RELT: variants seen among roughly 807,000 people sequenced by gnomAD.
RELT encodes the protein tumor necrosis factor receptor superfamily member 19L.
A neutral mutation model predicts 51.1 loss-of-function variants in RELT; 37 were observed. The ratio of observed to expected loss-of-function variants is 0.72; its 90% CI spans 0.56 to 0.95. The LOEUF is 0.95. RELT is among the 40% of genes least tolerant of loss of function. The pLI is 0.00. For missense variants in RELT, 535 were observed against 572.6 expected (o/e 0.93, Z 0.67); for synonymous variants, 241 against 235.7 (o/e 1.02, Z -0.21).
chr11:73,389,328 CCTA>C (rs753060193), intron 2 of RELT, 147 bp downstream of exon 2: 57 of 576,340 alleles, frequency 9.9e-5, no homozygotes, highest in Non-Finnish European at 1.5e-4. Flanking sequence ...GCAGCTGGAC[CCTA>C]GGAAGCACCT....
chr11:73,395,612 C>T lies in RELT; in HGVS notation c.*121C>T, dbSNP rs1221042633. 3 of 741,338 alleles carry T rather than the reference C, an allele frequency of 4.0e-6. No homozygotes were observed. The highest frequency in any genetic ancestry group is 2.5e-5 in the East Asian group (1 of 40,708). 45.9% of individuals were successfully genotyped at this position (741,338 alleles called of 1,614,324 possible). A position where few individuals can be genotyped will look rare whatever the true frequency, so the allele number is the denominator to read the frequency against. ...AGAAGCAATGGCCCAGCAGACGAGA[C>T]AGCAAAGACCAAGGCCTGGAGGTGG... On this transcript the variant is annotated 3_prime_UTR_variant, in exon 11 of 11. Coordinates refer to ENST00000064780, the MANE Select transcript of RELT (RefSeq NM_152222.2).
rs1485961852 is a variant in RELT, at chr11:73,391,130, T to G, written c.288-14T>G. 1 of 1,612,006 alleles carries G rather than the reference T, an allele frequency of 6.2e-7. No homozygotes were observed. Among genetic ancestry groups the G allele is most frequent in the African/African-American group, 1.3e-5 (1 of 74,896 alleles). ...GAAACTTCTGGGCCTCAGTGGTATC[T>G]TCCCTCCTCGCAGGTGGTTTGGGCC... On this transcript the variant is annotated splice_polypyrimidine_tract_variant and intron_variant, in intron 4 of 10. Coordinates refer to ENST00000064780, the MANE Select transcript of RELT (RefSeq NM_152222.2).
intron 6 of RELT, chr11:73,392,783 G>A: frequency 7.7e-7 from 1 of 1,294,154 alleles, no homozygotes; most frequent in East Asian, 3.4e-5. Flanking sequence ...GTCGGATGGT[G>A]GCCTTGGAGT....
At chr11:73,386,817 G>A (rs1276838742) in intron 1 of RELT, among the ~76,000 whole-genome samples, 1 of 152,218 alleles carries the variant, frequency 6.6e-6, no homozygotes, top group Admixed American at 6.5e-5. Flanking sequence ...TGGTTCTAGG[G>A]CTCTCTGCTG....
chr11:73,392,859 AG>A, intron 6 of RELT: 1 of 1,126,920 alleles, frequency 8.9e-7, no homozygotes, highest in Non-Finnish European at 1.1e-6. Flanking sequence ...GAGGGCTGGC[AG>A]GGCAGCTGTC....
At chr11:73,385,317 C>T (rs1425696874) in intron 1 of RELT, among the ~76,000 whole-genome samples, 2 of 152,156 alleles carry the variant, frequency 1.3e-5, no homozygotes, top group South Asian at 4.1e-4. Flanking sequence ...GGCACAGCTT[C>T]CTCTTTCTCT....
At position 73,390,961 on chromosome 11, in the gene RELT, G is replaced by T; in HGVS notation, c.287+40G>T. ...GTGCGGGGAGGGCTCCTGGCTGGGT[G>T]ACCAGGACTCTGGATCCTGGGGCCC... On this transcript the variant is annotated intron_variant, in intron 4 of 10. Coordinates refer to ENST00000064780, the MANE Select transcript of RELT (RefSeq NM_152222.2). 4 of 1,597,488 alleles carry T rather than the reference G, an allele frequency of 2.5e-6. No individual in the cohort carries two copies. The South Asian group carries it at 3.4e-5, about 13-fold the overall frequency.
In RELT at chr11:73,390,807, C is replaced by G; in HGVS notation, c.173C>G (p.Ala58Gly). 1 of 1,612,068 alleles carries G rather than the reference C, an allele frequency of 6.2e-7. No homozygotes were observed. Among genetic ancestry groups the G allele is most frequent in the Non-Finnish European group, 8.5e-7 (1 of 1,179,478 alleles). ...CRPCPPGTFS[A>G]AWGSSPCQPH... is the part of the protein sequence containing the mutation. ...CCCTGCCCCCCAGGCACCTTCTCAG[C>G]TGCATGGGGCTCCAGCCCATGCCAG... Residue 58 changes from alanine (A) to glycine (G), a missense_variant, in exon 4 of 11, where the codon GCT becomes GGT. Transcript: ENST00000064780.
chr11:73,394,362 C>T lies in RELT; in HGVS notation c.788+45C>T, dbSNP rs1866271273. ...ATAACGGGGCCAAAACCTACATTAA[C>T]CAGCCTGCCTCCTGGGGATCTCCCA... On this transcript the variant is annotated intron_variant, in intron 8 of 10. Transcript: ENST00000064780. The surrounding 1 kb of genome is among the most constrained non-coding windows in gnomAD (Gnocchi z 4.9). 3 of 1,610,452 alleles carry T rather than the reference C, an allele frequency of 1.9e-6. No homozygotes were observed. The highest frequency in any genetic ancestry group is 1.7e-5 in the Admixed American group (1 of 60,002).
At chr11:73,382,374 G>A (rs1866063403) in intron 1 of RELT, among the ~76,000 whole-genome samples, 1 of 152,242 alleles carries the variant, frequency 6.6e-6, no homozygotes, top group Non-Finnish European at 1.5e-5. Flanking sequence ...GAGCACATTA[G>A]GGACTTGGGA....
chr11:73,392,932 A>G (rs919299108), intron 6 of RELT: 21 of 1,015,440 alleles, frequency 2.1e-5, no homozygotes, highest in Non-Finnish European at 2.4e-5. Context: ...TTTGAGTTAC[A>G]AGGCCTGGAA....
intron 6 of RELT, chr11:73,393,099 C>T: frequency 1.0e-6 from 1 of 996,530 alleles, no homozygotes; most frequent in Non-Finnish European, 1.2e-6. Flanking sequence ...AGTGAAATGG[C>T]ATCTCCCATG....
rs1051776123 is a variant in RELT at position 73,391,157 on chromosome 11, T to TG, written c.307dup (p.Val103GlyfsTer20). 1.2e-6 allele frequency: 2 copies of TG among 1,613,672 alleles called. No individual in the cohort carries two copies. Among genetic ancestry groups the TG allele is most frequent in the African/African-American group, 2.7e-5 (2 of 74,922 alleles). ...CCCTCCTCGCAGGTGGTTTGGGCCT[T>TG]GGGGGGTTCCCCGCGTTCCATGTCA... On this transcript the variant is annotated frameshift_variant, in exon 5 of 11. Transcript: ENST00000064780. LOFTEE classifies it high-confidence loss of function.
rs1318263676 is a variant in RELT at position 73,394,671 on chromosome 11, GGGTTCCCAA to G, written c.986_994del (p.Val329_Lys331del). On this transcript the variant is annotated inframe_deletion, in exon 9 of 11. Transcript: ENST00000064780. The surrounding 1 kb of genome is among the most constrained non-coding windows in gnomAD (Gnocchi z 4.9). ...CCCAGCCTTCTGCCTAACCCGACCA[GGGTTCCCAA>G]GGCCGGGGCCAAGGCAGGGCGTCAG... 1.2e-6 allele frequency: 2 copies of G among 1,613,548 alleles called. No individual in the cohort carries two copies. The highest frequency in any genetic ancestry group is 2.7e-5 in the African/African-American group (2 of 74,932).
Position 73,388,346 on chromosome 11 carries a change from G to A in RELT, c.-25-766G>A, listed in dbSNP as rs1201926863. On this transcript the variant is annotated intron_variant, in intron 1 of 10. Coordinates refer to ENST00000064780, the MANE Select transcript of RELT (RefSeq NM_152222.2). The surrounding 1 kb of genome is among the most constrained non-coding windows in gnomAD (Gnocchi z 4.1). ...GCCCGCACGCAGTAGGTGCTGGAGA[G>A]ATGACAAAGACAGAGCACTGGCTGC... 1.3e-5 allele frequency among the ~76,000 whole-genome samples: 2 copies of A among 152,210 alleles called. No homozygotes were observed. The highest frequency in any genetic ancestry group is 4.8e-5 in the African/African-American group (2 of 41,446).
chr11:73,383,093 G>A (rs888682530), intron 1 of RELT, among the ~76,000 whole-genome samples: 12 of 152,204 alleles, frequency 7.9e-5, no homozygotes, highest in African/African-American at 2.9e-4. Flanking sequence ...CTGAGAGTGG[G>A]CTGGGGAGCA....
In RELT at chr11:73,384,138, CTT is replaced by C. The variant is rs1404827629; in HGVS notation, c.-25-4973_-25-4972del. On this transcript the variant is annotated intron_variant, in intron 1 of 10. Coordinates refer to ENST00000064780, the MANE Select transcript of RELT (RefSeq NM_152222.2). ...CTCCATCTCCCCCAGTGCGGCCTCT[CTT>C]AGCAGGCAGCCTGGGGAGCCTGCTG... is the stretch of plus-strand genomic sequence containing the variant. 2.0e-4 allele frequency among the ~76,000 whole-genome samples: 30 copies of C among 152,312 alleles called. 1 individual carries two copies. In the East Asian group the frequency reaches 5.8e-3, roughly 29 times the overall value.
chr11:73,395,733 C>A lies in RELT; in HGVS notation c.*242C>A. On this transcript the variant is annotated 3_prime_UTR_variant, in exon 11 of 11. Coordinates refer to ENST00000064780, the MANE Select transcript of RELT (RefSeq NM_152222.2). ...CTGGCCCTGCTGCCATGTTGCTCCC[C>A]TGAAGGATGCCCCGACCCCCGTGCC... is the stretch of plus-strand genomic sequence containing the variant. 1 of 572,294 alleles carries A rather than the reference C, an allele frequency of 1.7e-6. No homozygotes were observed. The highest frequency in any genetic ancestry group is 3.1e-5 in the Admixed American group (1 of 32,520). The allele number at this position is 572,294 out of a possible 1,614,324, so 35.5% of individuals were successfully genotyped here. A position where few individuals can be genotyped will look rare whatever the true frequency, so the allele number is the denominator to read the frequency against.
chr11:73,383,422 T>C (rs1201982575), intron 1 of RELT, among the ~76,000 whole-genome samples: 1 of 152,130 alleles, frequency 6.6e-6, no homozygotes, highest in East Asian at 1.9e-4. Flanking sequence ...TGCAAATGAG[T>C]ATAGATGCAG....
Sources: gnomAD v4.1 joint callset for allele counts (sites outside exome capture counted in the v4.1 genomes callset) on GRCh38, gnomAD v4.1.1 for gene constraint, Gnocchi (gnomAD v3.1) non-coding constraint, MANE v1.5 for transcripts, NCBI Gene and HGNC (gene_info 2026-07-23, HGNC 2026-07-21) for gene names.